Variants in BMPER observed in about 807,000 individuals in gnomAD.
BMPER encodes the protein BMP binding endothelial regulator.
In BMPER, 45 loss-of-function variants were observed where a neutral mutation model predicts 87.3. The ratio of observed to expected loss-of-function variants is 0.52; its 90% CI spans 0.41 to 0.66. The LOEUF (loss-of-function observed/expected upper bound fraction) is 0.66. Among genes scored for constraint, BMPER ranks in the 30% least tolerant of loss-of-function variants. The pLI, the probability that BMPER is intolerant of heterozygous loss-of-function variation, is 0.00. For synonymous variants in BMPER, 326 were observed against 316.2 expected, an observed-to-expected ratio of 1.03 and a Z score of -0.33; for missense variants, 784 against 867.5, an observed-to-expected ratio of 0.90 and a Z score of 1.21.
chr7:34,046,282 CT>C lies in BMPER; in HGVS notation c.577-15del, dbSNP rs370794922. On this transcript the variant is annotated intron_variant, in intron 6 of 14. Coordinates refer to ENST00000649409, the MANE Select transcript of BMPER (RefSeq NM_001365308.1). Reference sequence around the variant, plus strand: ...ACATGCACTTACTTTTCTAAATATGCTTTTTTTTTCTCTCTTTTCTTAGGGA... The same window carrying C: ...ACATGCACTTACTTTTCTAAATATGCTTTTTTTTCTCTCTTTTCTTAGGGA... 1.0e-3 allele frequency: 1,645 copies of C among 1,588,258 alleles called. 7 individuals carry two copies. In the African/African-American group the frequency reaches 0.017, roughly 16 times the overall value.
chr7:34,143,124 A>G (rs951738792), intron 13 of BMPER, 106 bp from the exon 14 acceptor site: 27 of 1,540,948 alleles, frequency 1.8e-5, no homozygotes, highest in Non-Finnish European at 2.1e-5. Context: ...GCAAATTTTA[A>G]TGGGCCAATC....
chr7:33,960,413 G>T (rs999690651), intron 3 of BMPER, among the ~76,000 whole-genome samples: 1 of 152,156 alleles, frequency 6.6e-6, no homozygotes, highest in Non-Finnish European at 1.5e-5. Flanking sequence ...TAAAAAAATT[G>T]TATTGGGCTG....
At chr7:34,085,070 C>T (rs1363720712) in intron 12 of BMPER, among the ~76,000 whole-genome samples, 1 of 152,270 alleles carries the variant, frequency 6.6e-6, no homozygotes, top group East Asian at 1.9e-4. Context: ...AAACCCAGAA[C>T]GGAGGCCTGA....
At chr7:34,016,443 C>T (rs1030908347) in intron 6 of BMPER, among the ~76,000 whole-genome samples, 2 of 151,960 alleles carry the variant, frequency 1.3e-5, no homozygotes, top group Non-Finnish European at 2.9e-5. Flanking sequence ...TCTGAAATTT[C>T]CAAAATTCAC....
rs373303880 is a variant in BMPER, at chr7:34,090,016, A to G, written c.1745+3924A>G. ...GGCTAATTTGGCATAAAAATTTGATATATAATTAAGTTCTTTTCAATCAGC... is the reference window on the plus strand; with the variant it reads ...GGCTAATTTGGCATAAAAATTTGATGTATAATTAAGTTCTTTTCAATCAGC... On this transcript the variant is annotated intron_variant, in intron 13 of 14. Coordinates refer to ENST00000649409, the MANE Select transcript of BMPER (RefSeq NM_001365308.1). 1.2e-4 allele frequency among the ~76,000 whole-genome samples: 19 copies of G among 152,330 alleles called. No individual in the cohort carries two copies. In the South Asian group the frequency reaches 3.5e-3, roughly 28 times the overall value.
At chr7:34,017,375 G>A (rs1392974198) in intron 6 of BMPER, among the ~76,000 whole-genome samples, 1 of 151,782 alleles carries the variant, frequency 6.6e-6, no homozygotes, top group Non-Finnish European at 1.5e-5. Flanking sequence ...ATGGTGGAAG[G>A]TGAATGGAGG....
chr7:34,043,049 T>C (rs1787872211), intron 6 of BMPER: 1 of 151,904 alleles, frequency 6.6e-6, no homozygotes, highest in Non-Finnish European at 1.5e-5. Context: ...TTGTGAGAGA[T>C]TGGAAAGAGG....
chr7:33,964,887 T>C lies in BMPER; in HGVS notation c.320-1592T>C, dbSNP rs370780741. Reference sequence around the variant, plus strand: ...ACTTGGCAGGCGTTTCATATTTACTTGGACTTAACATGAATTGGATTTGGT... The same window carrying C: ...ACTTGGCAGGCGTTTCATATTTACTCGGACTTAACATGAATTGGATTTGGT... On this transcript the variant is annotated intron_variant, in intron 3 of 14. Transcript: ENST00000649409. Among the ~76,000 whole-genome samples, 31 of 152,336 alleles carry C rather than the reference T, an allele frequency of 2.0e-4. No homozygotes were observed. The South Asian group carries it at 6.0e-3, about 30-fold the overall frequency.
intron 7 of BMPER, among the ~76,000 whole-genome samples, chr7:34,047,414 G>A (rs1034014907): frequency 6.6e-6 from 1 of 152,036 alleles, no homozygotes; most frequent in Non-Finnish European, 1.5e-5. Context: ...AAGTAGCTGG[G>A]ACTACAGGCA....
intron 12 of BMPER, among the ~76,000 whole-genome samples, chr7:34,081,054 C>G (rs1350983106): frequency 1.3e-5 from 2 of 151,960 alleles, no homozygotes; most frequent in East Asian, 3.8e-4. Flanking sequence ...AACTCAATAC[C>G]CAGCTGAACA....
chr7:34,124,862 G>A (rs888983749), intron 13 of BMPER, among the ~76,000 whole-genome samples: 2 of 151,894 alleles, frequency 1.3e-5, no homozygotes, highest in Non-Finnish European at 2.9e-5. Context: ...GTGAAATTTT[G>A]AAACCAGGAT....
Position 33,937,402 on chromosome 7 carries a change from T to C in BMPER, c.319+14T>C, listed in dbSNP as rs1265075672. ...AACAGTGCAAAGGTGATTGATGTCTTGGCCGTCTTCTCTTCTGGCTGCTGC... is the reference window on the plus strand; with the variant it reads ...AACAGTGCAAAGGTGATTGATGTCTCGGCCGTCTTCTCTTCTGGCTGCTGC... On this transcript the variant is annotated intron_variant, in intron 3 of 14. Coordinates refer to ENST00000649409, the MANE Select transcript of BMPER (RefSeq NM_001365308.1). The C allele has an allele frequency of 3.7e-6, 6 of 1,610,954 alleles. No homozygotes were observed. The highest frequency in any genetic ancestry group is 5.1e-6 in the Non-Finnish European group (6 of 1,177,062).
At chr7:34,094,945 A>AT (rs1359436059) in intron 13 of BMPER, among the ~76,000 whole-genome samples, 1 of 152,120 alleles carries the variant, frequency 6.6e-6, no homozygotes, top group African/African-American at 2.4e-5. Flanking sequence ...TTTCTTCTTT[A>AT]TTTTACATGG....
At chr7:33,934,581 G>T (rs1585651647) in intron 2 of BMPER, among the ~76,000 whole-genome samples, 1 of 151,068 alleles carries the variant, frequency 6.6e-6, no homozygotes, top group African/African-American at 2.4e-5. Flanking sequence ...TAACTTTTGT[G>T]CTGGACTGTA....
In BMPER at chr7:33,974,689, G is replaced by T. The variant is rs1157861561; in HGVS notation, c.494-13G>T. Reference sequence around the variant, plus strand: ...GCTGTTGCCCTAATTCTAAACTCTTGTCTGCTTTCCAGGCTGTGTGTTTGA... The same window carrying T: ...GCTGTTGCCCTAATTCTAAACTCTTTTCTGCTTTCCAGGCTGTGTGTTTGA... On this transcript the variant is annotated splice_polypyrimidine_tract_variant and intron_variant, in intron 5 of 14. Transcript: ENST00000649409. 1.2e-6 allele frequency: 2 copies of T among 1,613,460 alleles called. No homozygotes were observed. The highest frequency in any genetic ancestry group is 1.1e-5 in the South Asian group (1 of 91,048).
rs976393835 is a variant in BMPER at position 33,931,080 on chromosome 7, G to A, written c.220-6209G>A. ...AGTCTGGTCTGCTTACCCAAGTCCT[G>A]GGTAATCCCTTACATGGTACCTCTC... is the stretch of plus-strand genomic sequence containing the variant. On this transcript the variant is annotated intron_variant, in intron 2 of 14. Coordinates refer to ENST00000649409, the MANE Select transcript of BMPER (RefSeq NM_001365308.1). Among the ~76,000 whole-genome samples the A allele has an allele frequency of 3.3e-5, 5 of 152,116 alleles. No homozygotes were observed. The South Asian group carries it at 6.2e-4, about 19-fold the overall frequency.
chr7:33,975,590 C>T (rs1305479085), intron 6 of BMPER, among the ~76,000 whole-genome samples: 1 of 152,124 alleles, frequency 6.6e-6, no homozygotes, highest in African/African-American at 2.4e-5. Context: ...GATGGGGAAT[C>T]TAGTCTTAAC....
At chr7:33,981,959 A>G (rs1554301564) in intron 6 of BMPER, among the ~76,000 whole-genome samples, 2 of 152,190 alleles carry the variant, frequency 1.3e-5, no homozygotes, top group Non-Finnish European at 2.9e-5. Context: ...AGCAGTCACC[A>G]ACAATCAGGG....
rs187619545 is a variant in BMPER at position 34,045,879 on chromosome 7, T to C, written c.577-427T>C. 1.7e-3 allele frequency among the ~76,000 whole-genome samples: 254 copies of C among 152,274 alleles called. 1 individual carries two copies. Among genetic ancestry groups the C allele is most frequent in the African/African-American group, 5.7e-3 (237 of 41,550 alleles). On this transcript the variant is annotated intron_variant, in intron 6 of 14. Coordinates refer to ENST00000649409, the MANE Select transcript of BMPER (RefSeq NM_001365308.1). ...GTCTCAAAATGCCAAAGCGTTCCTT[T>C]GCTTGCTTGGCAGGATAGAAAGAGA... is the stretch of plus-strand genomic sequence containing the variant.
Sources: allele counts gnomAD v4.1 joint callset (sites outside exome capture counted in the v4.1 genomes callset), GRCh38; gene constraint gnomAD v4.1.1; transcripts MANE v1.5; gene names NCBI Gene and HGNC (gene_info 2026-07-23, HGNC 2026-07-21).